RNF216: variants seen among roughly 807,000 people sequenced by gnomAD.
RNF216 encodes the protein E3 ubiquitin-protein ligase RNF216.
In RNF216, 72 loss-of-function variants were observed where a neutral mutation model predicts 110.8. The ratio of observed to expected loss-of-function variants is 0.65; its 90% CI spans 0.54 to 0.79. The LOEUF (loss-of-function observed/expected upper bound fraction) is 0.79, where lower values mean the gene tolerates loss of function less well. Ranked by LOEUF, RNF216 falls within the 30% of genes least tolerant of loss-of-function variation. RNF216 has a pLI of 0.00. For synonymous variants in RNF216, 495 were observed against 407.5 expected (o/e 1.21, Z -2.59); for missense variants, 1,342 against 1,141.2 (o/e 1.18, Z -2.54).
intron 5 of RNF216, among the ~76,000 whole-genome samples, chr7:5,732,272 C>T (rs1490211541): frequency 2.6e-5 from 4 of 152,278 alleles, no homozygotes; most frequent in Non-Finnish European, 5.9e-5. Context: ...GCAAAAATCG[C>T]GTCTGTAGGG....
At chr7:5,720,863 A>AT (rs762897049) in intron 9 of RNF216, among the ~76,000 whole-genome samples, 170 bp downstream of exon 9, 106 of 152,356 alleles carry the variant, frequency 7.0e-4, no homozygotes, top group Non-Finnish European at 1.2e-3. Context: ...AACCACAAAC[A>AT]TAAGTATTAT....
intron 1 of RNF216, among the ~76,000 whole-genome samples, chr7:5,780,904 G>C (rs1183125004): frequency 6.6e-6 from 1 of 152,158 alleles, no homozygotes; most frequent in Non-Finnish European, 1.5e-5. Context: ...CCCTGGTCCT[G>C]TTCCACCGGG....
chr7:5,677,537 G>C (rs1466655413), intron 13 of RNF216, among the ~76,000 whole-genome samples: 1 of 152,162 alleles, frequency 6.6e-6, no homozygotes, highest in East Asian at 1.9e-4. Flanking sequence ...TATAATAATG[G>C]CAAACCCTTA....
At chr7:5,638,386 C>T (rs1014357132) in intron 15 of RNF216, among the ~76,000 whole-genome samples, 1 of 152,082 alleles carries the variant, frequency 6.6e-6, no homozygotes, top group Admixed American at 6.6e-5. Flanking sequence ...ACTTTGTGAA[C>T]TTGTCCAACT....
intron 5 of RNF216, among the ~76,000 whole-genome samples, chr7:5,734,721 G>C (rs145675936): frequency 0.029 from 4,382 of 151,530 alleles, 222 homozygotes; most frequent in African/African-American, 0.1. Flanking sequence ...CTATTCGGGA[G>C]ACTGAGGCAG....
intron 4 of RNF216, among the ~76,000 whole-genome samples, chr7:5,740,104 CTTTTTTTTTTTT>C (rs71004698): frequency 4.2e-5 from 5 of 118,490 alleles, no homozygotes; most frequent in African/African-American, 1.4e-4. Flanking sequence ...GATGTAACAC[CTTTTTTTTTTTT>C]TTTTTTTTTT....
At chr7:5,639,171 T>C (rs971042028) in intron 15 of RNF216, among the ~76,000 whole-genome samples, 1 of 152,198 alleles carries the variant, frequency 6.6e-6, no homozygotes, top group Non-Finnish European at 1.5e-5. Flanking sequence ...CTAACATTCC[T>C]TAAGAGATAG....
intron 16 of RNF216, 49 bp from the exon 17 acceptor site, chr7:5,623,228 A>C: frequency 1.3e-6 from 2 of 1,496,822 alleles, no homozygotes; most frequent in Non-Finnish European, 1.8e-6. Context: ...ACCAACCTCA[A>C]TGGAATCTAG....
At chr7:5,745,624 G>A (rs1001127214) in intron 3 of RNF216, among the ~76,000 whole-genome samples, 1 of 152,116 alleles carries the variant, frequency 6.6e-6, no homozygotes, top group Admixed American at 6.5e-5. Flanking sequence ...CAAGGGCAGG[G>A]CACGGTGGCT....
rs1392987418 is a variant in RNF216, at chr7:5,676,553, G to A, written c.2062-24043C>T. ...TTCCTCACAGTCTCCCGTCCGTCCT[G>A]TCTGCCTGGCTGTGTGACCAACACA... On this transcript the variant is annotated intron_variant, in intron 13 of 16. Transcript: ENST00000389902. Among the ~76,000 whole-genome samples the A allele has an allele frequency of 2.6e-5, 4 of 151,934 alleles. No individual in the cohort carries two copies. The South Asian group carries it at 6.2e-4, about 24-fold the overall frequency.
At chr7:5,765,183 C>T (rs551641895) in intron 1 of RNF216, among the ~76,000 whole-genome samples, 5 of 152,140 alleles carry the variant, frequency 3.3e-5, no homozygotes, top group African/African-American at 7.2e-5. Context: ...ACTTCAAGAC[C>T]GGGCATGGTG....
intron 15 of RNF216, among the ~76,000 whole-genome samples, chr7:5,639,601 C>T (rs1787608502): frequency 6.6e-6 from 1 of 151,798 alleles, no homozygotes; most frequent in Non-Finnish European, 1.5e-5. Flanking sequence ...GCTGGTATTA[C>T]AGGCATCCAA....
chr7:5,685,025 C>G (rs555974554), intron 13 of RNF216, among the ~76,000 whole-genome samples: 1 of 152,054 alleles, frequency 6.6e-6, no homozygotes, highest in South Asian at 2.1e-4. Flanking sequence ...GAAGAGAGTG[C>G]CCAGGATTCT....
At chr7:5,739,491 A>C (rs560630731) in intron 4 of RNF216, 139 bp from the exon 5 acceptor site, 6 of 814,064 alleles carry the variant, frequency 7.4e-6, no homozygotes, top group Non-Finnish European at 1.2e-5. Flanking sequence ...GTGTGTCTTC[A>C]AATTCAACAC....
At chr7:5,662,549 C>G (rs1043783028) in intron 13 of RNF216, 4 of 152,142 alleles carry the variant, frequency 2.6e-5, no homozygotes, top group African/African-American at 9.7e-5. Flanking sequence ...ATGCAGGTAA[C>G]AGAGACAGTT....
At chr7:5,662,077 G>A (rs1789182211) in intron 13 of RNF216, among the ~76,000 whole-genome samples, 1 of 152,230 alleles carries the variant, frequency 6.6e-6, no homozygotes, top group African/African-American at 2.4e-5. Flanking sequence ...ATCTGGGTGT[G>A]AGCATCAGGG....
At chr7:5,681,470 TG>T (rs1301844304) in intron 13 of RNF216, among the ~76,000 whole-genome samples, 2 of 152,218 alleles carry the variant, frequency 1.3e-5, no homozygotes, top group Non-Finnish European at 2.9e-5. Context: ...TCTGTAGCCC[TG>T]ACCCAGTGTG....
At chr7:5,766,150 C>A (rs201643224) in intron 1 of RNF216, among the ~76,000 whole-genome samples, 2 of 151,606 alleles carry the variant, frequency 1.3e-5, no homozygotes, top group Non-Finnish European at 2.9e-5. Flanking sequence ...ACTAGCTGCG[C>A]GGGGTGGCAT....
intron 9 of RNF216, among the ~76,000 whole-genome samples, chr7:5,720,427 C>T (rs972417890): frequency 1.3e-5 from 2 of 152,160 alleles, no homozygotes; most frequent in Admixed American, 6.5e-5. Flanking sequence ...ATGTAATACA[C>T]AAAACATACC....
Sources: gnomAD v4.1 joint callset for allele counts (sites outside exome capture counted in the v4.1 genomes callset) on GRCh38, gnomAD v4.1.1 for gene constraint, MANE v1.5 for transcripts, NCBI Gene and HGNC (gene_info 2026-07-23, HGNC 2026-07-21) for gene names.